Variants in ATP8B4 observed in about 807,000 individuals in gnomAD.
The protein encoded by ATP8B4 is probable phospholipid-transporting ATPase IM.
Under a neutral mutation model 145.6 loss-of-function variants are expected in ATP8B4, and 133 were observed. The ratio of observed to expected loss-of-function variants is 0.91; its 90% CI spans 0.79 to 1.05. ATP8B4 has a LOEUF of 1.05. ATP8B4 is among the 50% of genes least tolerant of loss of function. ATP8B4 has a pLI of 0.00. For synonymous variants in ATP8B4, 507 were observed against 492.9 expected (o/e 1.03, Z -0.38); for missense variants, 1,458 against 1,425.2 (o/e 1.02, Z -0.37).
intron 6 of ATP8B4, among the ~76,000 whole-genome samples, chr15:50,030,523 A>G (rs2050354384): frequency 6.6e-6 from 1 of 152,172 alleles, no homozygotes; most frequent in South Asian, 2.1e-4. Context: ...GGAAGGAGAC[A>G]TTAAAAAGGC....
intron 11 of ATP8B4, 114 bp from the exon 12 acceptor site, chr15:49,979,927 C>T (rs1017036778): frequency 3.1e-6 from 2 of 648,424 alleles, no homozygotes; most frequent in Non-Finnish European, 5.0e-6. Flanking sequence ...AGCAAGTATG[C>T]AAACCTCTTC....
chr15:50,048,221 T>C (rs1410460461), intron 3 of ATP8B4, among the ~76,000 whole-genome samples: 2 of 151,996 alleles, frequency 1.3e-5, no homozygotes. Context: ...GGCTCACACC[T>C]GAGGGACCAC....
chr15:50,135,292 C>T (rs1489546447), intron 1 of ATP8B4, among the ~76,000 whole-genome samples: 1 of 152,158 alleles, frequency 6.6e-6, no homozygotes, highest in Non-Finnish European at 1.5e-5. Flanking sequence ...AGGTACTCTA[C>T]ATTTCATTAT....
At chr15:50,087,316 G>GATATAGATCTATATTTATATATAATAT (rs2055263419) in intron 2 of ATP8B4, among the ~76,000 whole-genome samples, 3 of 89,586 alleles carry the variant, frequency 3.3e-5, no homozygotes, top group Non-Finnish European at 6.0e-5. Context: ...ATATATAATA[G>GATATAGATCTATATTTATATATAATAT]ATATAGATCT....
chr15:50,003,819 G>A (rs2048095725), intron 7 of ATP8B4, among the ~76,000 whole-genome samples: 1 of 152,144 alleles, frequency 6.6e-6, no homozygotes, highest in Non-Finnish European at 1.5e-5. Context: ...GTTGAAGACT[G>A]GGTGGGGCTG....
At chr15:50,047,552 G>GT in intron 3 of ATP8B4, 88 bp from the exon 4 acceptor site, 1 of 829,338 alleles carries the variant, frequency 1.2e-6, no homozygotes. Context: ...CTGAGCCAGA[G>GT]TAAGAAAGAT....
At position 49,978,431 on chromosome 15, in the gene ATP8B4, T is replaced by G. The variant is rs1190631413; in HGVS notation, c.1034+1186A>C. ...CACATGCCACTACTTCAAGTGAATT[T>G]CCCACAACTTGGCATTTCAGTTTCC... is the stretch of plus-strand genomic sequence containing the variant. On this transcript the variant is annotated intron_variant, in intron 12 of 27. Transcript: ENST00000284509. Among the ~76,000 whole-genome samples, 3 of 152,206 alleles carry G rather than the reference T, an allele frequency of 2.0e-5. No homozygotes were observed. In the East Asian group the frequency reaches 5.8e-4, roughly 29 times the overall value.
chr15:50,176,035 TAGAG>T (rs779235358), intron 1 of ATP8B4, among the ~76,000 whole-genome samples: 1 of 150,602 alleles, frequency 6.6e-6, no homozygotes, highest in Non-Finnish European at 1.5e-5. Context: ...TATCATAGTA[TAGAG>T]AGAGTGTATA....
chr15:49,883,455 C>T (rs1323995428), intron 23 of ATP8B4: 5 of 152,114 alleles, frequency 3.3e-5, no homozygotes, highest in Admixed American at 2.0e-4. Flanking sequence ...TCTGCAAATT[C>T]TCAGAAGTTT....
intron 9 of ATP8B4, among the ~76,000 whole-genome samples, chr15:49,995,328 T>A (rs2047339975): frequency 6.6e-6 from 1 of 152,220 alleles, no homozygotes; most frequent in African/African-American, 2.4e-5. Context: ...AATGAGGTAT[T>A]TTAAGCAAGT....
intron 4 of ATP8B4, among the ~76,000 whole-genome samples, 163 bp from the exon 5 acceptor site, chr15:50,044,855 T>TA: frequency 6.6e-6 from 1 of 152,234 alleles, no homozygotes. Context: ...ATAAGACACA[T>TA]AGAGTAGAAT....
chr15:49,906,867 A>G (rs1287417898), intron 20 of ATP8B4, among the ~76,000 whole-genome samples: 1 of 152,198 alleles, frequency 6.6e-6, no homozygotes, highest in East Asian at 1.9e-4. Context: ...ATGGCTAAAA[A>G]AAGCCGGGGT....
At chr15:50,070,051 G>A (rs542770282) in intron 3 of ATP8B4, among the ~76,000 whole-genome samples, 5 of 152,256 alleles carry the variant, frequency 3.3e-5, no homozygotes, top group Admixed American at 6.5e-5. Flanking sequence ...AGAGTATTTC[G>A]TGGACTAGTT....
intron 13 of ATP8B4, among the ~76,000 whole-genome samples, chr15:49,968,225 C>T (rs559936516): frequency 2.6e-3 from 393 of 152,260 alleles, no homozygotes; most frequent in African/African-American, 9.2e-3. Flanking sequence ...AACTAATGGG[C>T]AAAATGACCA....
At chr15:50,144,424 A>G (rs1003600719) in intron 1 of ATP8B4, among the ~76,000 whole-genome samples, 1 of 152,206 alleles carries the variant, frequency 6.6e-6, no homozygotes, top group African/African-American at 2.4e-5. Flanking sequence ...ATGGCTGGGG[A>G]GGCCTCAGGA....
intron 8 of ATP8B4, among the ~76,000 whole-genome samples, chr15:49,997,728 C>T (rs1599710244): frequency 1.3e-5 from 2 of 152,098 alleles, no homozygotes; most frequent in Admixed American, 1.3e-4. Flanking sequence ...CAATCTTAAC[C>T]TTCCGTAAAT....
intron 6 of ATP8B4, among the ~76,000 whole-genome samples, chr15:50,021,175 T>C (rs2049534789): frequency 1.3e-5 from 2 of 148,434 alleles, no homozygotes; most frequent in Admixed American, 1.3e-4. Context: ...TAGATAATTC[T>C]ACTTCTGTTT....
In ATP8B4 at chr15:50,090,110, G is replaced by A. The variant is rs190489828; in HGVS notation, c.29-15925C>T. Among the ~76,000 whole-genome samples the A allele has an allele frequency of 2.1e-3, 318 of 152,200 alleles. 5 individuals carry two copies. The highest frequency in any genetic ancestry group is 0.018 in the Admixed American group (278 of 15,278). On this transcript the variant is annotated intron_variant, in intron 2 of 27. Coordinates refer to ENST00000284509, the MANE Select transcript of ATP8B4 (RefSeq NM_024837.4). ...CATTATCCTCAGCACACTAAAACAGGAACAAAGAACCAAACATCGCATGTT... is the reference window on the plus strand; with the variant it reads ...CATTATCCTCAGCACACTAAAACAGAAACAAAGAACCAAACATCGCATGTT...
At chr15:49,965,460 A>T (rs569370786) in intron 13 of ATP8B4, among the ~76,000 whole-genome samples, 1 of 152,348 alleles carries the variant, frequency 6.6e-6, no homozygotes, top group Admixed American at 6.5e-5. Flanking sequence ...GAATCCACAG[A>T]AAGTTCCGCA....
Sources: gnomAD v4.1 joint callset for allele counts (sites outside exome capture counted in the v4.1 genomes callset) on GRCh38, gnomAD v4.1.1 for gene constraint, MANE v1.5 for transcripts, NCBI Gene and HGNC (gene_info 2026-07-23, HGNC 2026-07-21) for gene names.